Variants in OSBPL10 observed in about 807,000 individuals in gnomAD.
OSBPL10 encodes the protein oxysterol binding protein like 10, also known as oxysterol-binding protein-related protein 10.
Under a neutral mutation model 81.7 loss-of-function variants are expected in OSBPL10, and 49 were observed. That is an observed-to-expected ratio of 0.60 (90% CI 0.48 to 0.76). OSBPL10 has a LOEUF of 0.76. Ranked by LOEUF, OSBPL10 falls within the 30% of genes least tolerant of loss-of-function variation. The probability of loss-of-function intolerance (pLI) is 0.00; values close to 1 mark genes in which losing one functional copy is unlikely to be tolerated. For missense variants in OSBPL10, 923 were observed against 987.8 expected (o/e 0.93, Z 0.88); for synonymous variants, 419 against 383.6 (o/e 1.09, Z -1.08).
intron 2 of OSBPL10, among the ~76,000 whole-genome samples, chr3:32,031,627 T>A (rs1299962420): frequency 6.6e-6 from 1 of 152,098 alleles, no homozygotes; most frequent in Non-Finnish European, 1.5e-5. Context: ...CTAATTTTTG[T>A]ATTTTTAGTA....
chr3:31,937,315 G>C (rs1350366168), intron 1 of OSBPL10, among the ~76,000 whole-genome samples: 1 of 151,580 alleles, frequency 6.6e-6, no homozygotes, highest in Admixed American at 6.6e-5. Context: ...AGAGGAACAT[G>C]AAACACTCAA....
In OSBPL10 at chr3:31,769,450, AAAAAAAAAC is replaced by A. The variant is rs1426299039; in HGVS notation, c.730-21339_730-21331del. 2.0e-3 allele frequency among the ~76,000 whole-genome samples: 165 copies of A among 84,496 alleles called. 12 individuals are homozygous for A. Among genetic ancestry groups the A allele is most frequent in the Middle Eastern group, 5.1e-3 (1 of 196 alleles). 55.4% of individuals were successfully genotyped at this position (84,496 alleles called of 152,430 possible). Reference sequence around the variant, plus strand: ...ACAAGAGCAAAACTCCATCTCAAAAAAAAAAAAACAAAAAAAAAACAAAAAAAAACAGAA... The same window carrying A: ...ACAAGAGCAAAACTCCATCTCAAAAAAAAAAAAAAACAAAAAAAAACAGAA... On this transcript the variant is annotated intron_variant, in intron 4 of 11. Coordinates refer to ENST00000396556, the MANE Select transcript of OSBPL10 (RefSeq NM_017784.5).
At chr3:31,895,209 C>T (rs1575603548) in intron 1 of OSBPL10, among the ~76,000 whole-genome samples, 1 of 143,772 alleles carries the variant, frequency 7.0e-6, no homozygotes, top group South Asian at 2.4e-4. Flanking sequence ...TCTCGGTTCA[C>T]TGCTAGCTGT....
At chr3:31,744,195 C>T (rs1697446423) in intron 5 of OSBPL10, among the ~76,000 whole-genome samples, 1 of 152,162 alleles carries the variant, frequency 6.6e-6, no homozygotes, top group Admixed American at 6.5e-5. Flanking sequence ...ATGCTTCATG[C>T]TCTATTCTCC....
chr3:31,747,256 T>A (rs1272513040), intron 5 of OSBPL10, among the ~76,000 whole-genome samples: 2 of 151,534 alleles, frequency 1.3e-5, no homozygotes, highest in Non-Finnish European at 2.9e-5. Flanking sequence ...AGGCGGAGGC[T>A]GTAGTGAGCC....
intron 4 of OSBPL10, among the ~76,000 whole-genome samples, chr3:31,758,845 T>C (rs1367646142): frequency 6.6e-6 from 1 of 152,218 alleles, no homozygotes; most frequent in African/African-American, 2.4e-5. Context: ...CCTTGTTCAG[T>C]ATAAATCCTG....
At chr3:32,045,122 A>C (rs1237257502) in intron 2 of OSBPL10, among the ~76,000 whole-genome samples, 1 of 152,250 alleles carries the variant, frequency 6.6e-6, no homozygotes, top group Admixed American at 6.5e-5. Flanking sequence ...TTAAGATGGC[A>C]TAGTGGGTGG....
At position 31,857,877 on chromosome 3, in the gene OSBPL10, A is replaced by AG. The variant is rs554017859; in HGVS notation, c.537+18555dup. ...AAGAAGGAGGGAGAGGGAGAGGGAA[A>AG]GGGGGGGAGAGAGAGAGAAAGAGAG... On this transcript the variant is annotated intron_variant, in intron 3 of 11. Coordinates refer to ENST00000396556, the MANE Select transcript of OSBPL10 (RefSeq NM_017784.5). Among the ~76,000 whole-genome samples the AG allele has an allele frequency of 3.0e-3, 300 of 100,098 alleles. 4 individuals carry two copies. Among genetic ancestry groups the AG allele is most frequent in the Middle Eastern group, 0.022 (4 of 184 alleles). The allele number at this position is 100,098 out of a possible 152,430, so 65.7% of individuals were successfully genotyped here.
At chr3:32,004,257 G>A (rs1259612456) in intron 2 of OSBPL10, among the ~76,000 whole-genome samples, 3 of 152,178 alleles carry the variant, frequency 2.0e-5, no homozygotes, top group South Asian at 4.1e-4. Context: ...TGAGTGTCAG[G>A]TGGAGACTTT....
At chr3:31,759,423 T>A (rs1041585215) in intron 4 of OSBPL10, among the ~76,000 whole-genome samples, 7 of 146,800 alleles carry the variant, frequency 4.8e-5, no homozygotes, top group African/African-American at 1.4e-4. Context: ...GGCTACTCTA[T>A]GTTTTGTTTT....
intron 3 of OSBPL10, among the ~76,000 whole-genome samples, chr3:31,860,868 T>G (rs61396135): frequency 0.28 from 36,640 of 132,822 alleles, 5,053 homozygotes; most frequent in Non-Finnish European, 0.33. Context: ...TTTTTTTTTT[T>G]GGGTTTTTTT....
rs1328696861 is a variant in OSBPL10 at position 32,061,780 on chromosome 3, A to G, written n.186-15177T>C. Among the ~76,000 whole-genome samples the G allele has an allele frequency of 4.4e-5, 4 of 91,162 alleles. 1 individual carries two copies. Among genetic ancestry groups the G allele is most frequent in the African/African-American group, 1.1e-4 (4 of 35,506 alleles). The allele number at this position is 91,162 out of a possible 152,430, so 59.8% of individuals were successfully genotyped here. ...CAGCCTCCTAAGTAGCTGGGACTAC[A>G]GGCTTGTGCCACCATGCCTGACTTA... is the stretch of plus-strand genomic sequence containing the variant. On this transcript the variant is annotated intron_variant and non_coding_transcript_variant, in intron 1 of 3. Transcript: ENST00000479173.
intron 4 of OSBPL10, among the ~76,000 whole-genome samples, chr3:31,826,505 C>T (rs1700103197): frequency 6.6e-6 from 1 of 152,138 alleles, no homozygotes; most frequent in Non-Finnish European, 1.5e-5. Context: ...AATGCTGTAG[C>T]TTTCCATTTA....
chr3:31,684,790 C>T lies in OSBPL10; in HGVS notation c.1246-676G>A, dbSNP rs999106207. Among the ~76,000 whole-genome samples, 43 of 152,298 alleles carry T rather than the reference C, an allele frequency of 2.8e-4. 1 individual carries two copies. Among genetic ancestry groups the T allele is most frequent in the African/African-American group, 8.7e-4 (36 of 41,564 alleles). The stretch of plus-strand genomic sequence containing the variant: ...CCATGGTGATTCCATCTGTGGAGGT[C>T]GGTCCTCAAGGCTGGTCCAGGAGAA... On this transcript the variant is annotated intron_variant, in intron 7 of 11. Coordinates refer to ENST00000396556, the MANE Select transcript of OSBPL10 (RefSeq NM_017784.5).
At chr3:31,905,311 T>G in intron 1 of OSBPL10, among the ~76,000 whole-genome samples, 1 of 149,876 alleles carries the variant, frequency 6.7e-6, no homozygotes, top group East Asian at 2.0e-4. Flanking sequence ...GCACATGGCA[T>G]TCCACAAAGA....
intron 3 of OSBPL10, among the ~76,000 whole-genome samples, chr3:31,841,313 ACTTATT>A (rs1421823487): frequency 5.3e-5 from 8 of 152,222 alleles, no homozygotes; most frequent in Admixed American, 2.0e-4. Context: ...AGATTCATTT[ACTTATT>A]TTTATTTACT....
At chr3:31,696,572 G>C (rs1196316327) in intron 7 of OSBPL10, among the ~76,000 whole-genome samples, 1 of 152,186 alleles carries the variant, frequency 6.6e-6, no homozygotes, top group Non-Finnish European at 1.5e-5. Flanking sequence ...CTTTCTTCTT[G>C]ATACTCTCTC....
intron 3 of OSBPL10, among the ~76,000 whole-genome samples, chr3:31,839,978 G>A (rs1303810507): frequency 2.0e-5 from 3 of 149,800 alleles, no homozygotes; most frequent in East Asian, 2.0e-4. Context: ...AGGTCTACAT[G>A]GAATGGATCA....
chr3:31,771,743 TC>T (rs1391878362), intron 4 of OSBPL10, among the ~76,000 whole-genome samples: 1 of 152,196 alleles, frequency 6.6e-6, no homozygotes, highest in African/African-American at 2.4e-5. Flanking sequence ...CACTTACATG[TC>T]GACATATAGC....
Sources: gnomAD v4.1 joint callset for allele counts (sites outside exome capture counted in the v4.1 genomes callset) on GRCh38, gnomAD v4.1.1 for gene constraint, MANE v1.5 for transcripts, NCBI Gene and HGNC (gene_info 2026-07-23, HGNC 2026-07-21) for gene names.